The following CBFB variants were observed in gnomAD, a reference collection of about 807,000 sequenced individuals.
CBFB encodes CBF-beta.
Under a neutral mutation model 30.4 loss-of-function variants are expected in CBFB, and 9 were observed. That is an observed-to-expected ratio of 0.30 (90% CI 0.18 to 0.52). The LOEUF is 0.52. CBFB is among the 20% of genes least tolerant of loss of function. The pLI is 0.97. For synonymous variants in CBFB, 94 were observed against 84.0 expected, an observed-to-expected ratio of 1.12 and a Z score of -0.65; for missense variants, 170 against 244.0, an observed-to-expected ratio of 0.70 and a Z score of 2.02.
chr16:67,029,592 C>T, intron 1 of CBFB, 107 bp downstream of exon 1: 1 of 1,323,678 alleles, frequency 7.6e-7, no homozygotes, highest in African/African-American at 1.5e-5. Context: ...TCGGTGCGCC[C>T]GCGGAGGGGC....
chr16:67,060,086 C>T (rs1387519819), intron 3 of CBFB, among the ~76,000 whole-genome samples: 1 of 151,722 alleles, frequency 6.6e-6, no homozygotes, highest in East Asian at 1.9e-4. Flanking sequence ...GTGATCCTCC[C>T]CACCTCAGTC....
intron 3 of CBFB, among the ~76,000 whole-genome samples, chr16:67,045,896 A>C (rs1966619784): frequency 6.6e-6 from 1 of 151,102 alleles, no homozygotes; most frequent in Admixed American, 6.6e-5. Flanking sequence ...CCCAGGTTCA[A>C]GCGATTCTCC....
intron 3 of CBFB, among the ~76,000 whole-genome samples, chr16:67,059,258 TC>T (rs981743339): frequency 3.3e-5 from 5 of 152,216 alleles, no homozygotes; most frequent in Non-Finnish European, 5.9e-5. Flanking sequence ...CTTAGGTTCT[TC>T]CTTTGATACT....
chr16:67,040,620 T>TA (rs1207948931), intron 3 of CBFB, among the ~76,000 whole-genome samples: 1 of 152,226 alleles, frequency 6.6e-6, no homozygotes, highest in African/African-American at 2.4e-5. Context: ...GAACACCTGT[T>TA]ACGTGTACTG....
intron 3 of CBFB, among the ~76,000 whole-genome samples, chr16:67,043,462 A>G (rs1006086745): frequency 6.6e-6 from 1 of 152,238 alleles, no homozygotes; most frequent in Non-Finnish European, 1.5e-5. Context: ...GATTATAAGT[A>G]TATACCTTAC....
chr16:67,065,410 T>TA (rs1409918012), intron 3 of CBFB, among the ~76,000 whole-genome samples: 1 of 152,276 alleles, frequency 6.6e-6, no homozygotes, highest in East Asian at 1.9e-4. Flanking sequence ...TGTAAGTAGA[T>TA]ATACTTGTTG....
At chr16:67,041,903 T>C (rs1477484798) in intron 3 of CBFB, among the ~76,000 whole-genome samples, 2 of 147,792 alleles carry the variant, frequency 1.4e-5, no homozygotes, top group Non-Finnish European at 3.0e-5. Context: ...TGCCCTTCTT[T>C]TTTTTTTTTT....
chr16:67,065,165 C>T (rs1347314502), intron 3 of CBFB, among the ~76,000 whole-genome samples: 1 of 152,192 alleles, frequency 6.6e-6, no homozygotes, highest in Non-Finnish European at 1.5e-5. Context: ...TCCCAAAGTG[C>T]CGGGATTACA....
At chr16:67,063,289 A>G (rs1279472470) in intron 3 of CBFB, among the ~76,000 whole-genome samples, 1 of 152,182 alleles carries the variant, frequency 6.6e-6, no homozygotes, top group Non-Finnish European at 1.5e-5. Context: ...TGGTCCAAAT[A>G]GGAGGAGAAA....
intron 4 of CBFB, among the ~76,000 whole-genome samples, chr16:67,075,577 TAC>T (rs977811165): frequency 1.3e-5 from 2 of 152,072 alleles, no homozygotes; most frequent in Admixed American, 6.6e-5. Context: ...TATATATATA[TAC>T]ACACACTATG....
chr16:67,057,718 TTC>T (rs1382159747), intron 3 of CBFB, among the ~76,000 whole-genome samples: 3 of 152,226 alleles, frequency 2.0e-5, no homozygotes, highest in African/African-American at 7.2e-5. Flanking sequence ...AACTATTCTT[TTC>T]CACATGGTTA....
At chr16:67,062,368 C>T (rs933548516) in intron 3 of CBFB, among the ~76,000 whole-genome samples, 1 of 151,392 alleles carries the variant, frequency 6.6e-6, no homozygotes, top group Non-Finnish European at 1.5e-5. Context: ...AGGGTTTTGC[C>T]ATGTTGGCCG....
intron 3 of CBFB, among the ~76,000 whole-genome samples, chr16:67,038,549 T>C (rs1411292553): frequency 6.6e-6 from 1 of 152,104 alleles, no homozygotes; most frequent in Middle Eastern, 3.2e-3. Flanking sequence ...TCCTGTGTAT[T>C]AGCTTGTTTG....
intron 3 of CBFB, 91 bp downstream of exon 3, chr16:67,036,846 T>TG: frequency 2.6e-6 from 2 of 778,074 alleles, no homozygotes; most frequent in Non-Finnish European, 4.6e-6. Context: ...ATCACAGATC[T>TG]GATTATACCA....
At chr16:67,098,685 C>G in intron 5 of CBFB, 25 bp from the exon 6 acceptor site, 1 of 1,490,220 alleles carries the variant, frequency 6.7e-7, no homozygotes, top group Non-Finnish European at 9.3e-7. Context: ...CTTTTTGACC[C>G]CAAATTATGA....
At chr16:67,043,590 G>C (rs529801621) in intron 3 of CBFB, among the ~76,000 whole-genome samples, 1 of 152,286 alleles carries the variant, frequency 6.6e-6, no homozygotes, top group African/African-American at 2.4e-5. Flanking sequence ...TCTCAGAAAT[G>C]ATTTAAACTA....
At chr16:67,082,069 T>C (rs1282238564) in intron 4 of CBFB, 144 bp from the exon 5 acceptor site, 3 of 448,924 alleles carry the variant, frequency 6.7e-6, no homozygotes, top group East Asian at 3.8e-5. Flanking sequence ...TCTGCCCGCC[T>C]CGGCCTCCCA....
At chr16:67,073,650 G>A (rs909846193) in intron 4 of CBFB, among the ~76,000 whole-genome samples, 2 of 152,136 alleles carry the variant, frequency 1.3e-5, no homozygotes, top group African/African-American at 4.8e-5. Context: ...GCTGAGGCAG[G>A]AGAATTACTT....
chr16:67,076,172 G>C (rs1204490126), intron 4 of CBFB, among the ~76,000 whole-genome samples: 2 of 152,146 alleles, frequency 1.3e-5, no homozygotes, highest in South Asian at 2.1e-4. Context: ...AGAGGTTGCA[G>C]TGAGCTGAGA....
Sources: gnomAD v4.1 joint callset for allele counts (sites outside exome capture counted in the v4.1 genomes callset) on GRCh38, gnomAD v4.1.1 for gene constraint, MANE v1.5 for transcripts, NCBI Gene and HGNC (gene_info 2026-07-23, HGNC 2026-07-21) for gene names.